The following GABRB3 variants were observed in gnomAD, a reference collection of about 807,000 sequenced individuals.
GABRB3 encodes the protein gamma-aminobutyric acid receptor subunit beta-3.
GABRB3 carries 14 observed loss-of-function variants against 52.1 expected under a neutral mutation model. That is an observed-to-expected ratio of 0.27 (90% confidence interval 0.18 to 0.42). GABRB3 has a LOEUF of 0.42. Ranked by LOEUF, GABRB3 falls within the 10% of genes least tolerant of loss-of-function variation. The pLI is 1.00. For synonymous variants in GABRB3, 260 were observed against 232.3 expected (o/e 1.12, Z -1.08); for missense variants, 307 against 609.1 (o/e 0.50, Z 5.22).
intron 3 of GABRB3, among the ~76,000 whole-genome samples, chr15:26,715,645 GA>G (rs1239289830): frequency 6.6e-6 from 1 of 152,196 alleles, no homozygotes; most frequent in Non-Finnish European, 1.5e-5. Flanking sequence ...TATGTTTTCA[GA>G]TAAAATTATA....
chr15:26,582,020 C>T (rs1890808858), intron 5 of GABRB3, among the ~76,000 whole-genome samples: 1 of 152,142 alleles, frequency 6.6e-6, no homozygotes, highest in Non-Finnish European at 1.5e-5. Context: ...GAAATAAAGA[C>T]ACCATTTTTC....
chr15:26,564,319 C>T, intron 7 of GABRB3, among the ~76,000 whole-genome samples: 1 of 152,192 alleles, frequency 6.6e-6, no homozygotes, highest in East Asian at 1.9e-4. Context: ...TACAACTTCC[C>T]ACTTTAAAGT....
intron 7 of GABRB3, among the ~76,000 whole-genome samples, chr15:26,564,129 A>G (rs1324490368): frequency 2.0e-5 from 3 of 152,064 alleles, no homozygotes; most frequent in Non-Finnish European, 4.4e-5. Flanking sequence ...CTCAAAGGAA[A>G]TGCTAATTGG....
chr15:26,720,723 C>G (rs6576596), intron 3 of GABRB3, among the ~76,000 whole-genome samples: 8,364 of 152,174 alleles, frequency 0.055, 784 homozygotes, highest in African/African-American at 0.19. Flanking sequence ...CGCAATCCCT[C>G]AGGATTTTCT....
At position 26,772,791 on chromosome 15, in the gene GABRB3, G is replaced by A. The variant is rs1479892896; in HGVS notation, c.81-19C>T. On this transcript the variant is annotated intron_variant, in intron 1 of 8. Transcript: ENST00000311550. ...GTTCACACTGGGGGAGGGACGGGGA[G>A]CACAAAGAGCGGGGTCAGGGGCGGC... 4.6e-6 allele frequency: 7 copies of A among 1,520,674 alleles called. No homozygotes were observed. The South Asian group carries it at 6.1e-5, about 13-fold the overall frequency. The allele number at this position is 1,520,674 out of a possible 1,614,324, so 94.2% of individuals were successfully genotyped here.
intron 3 of GABRB3, chr15:26,658,849 G>GA (rs1345348962): frequency 6.6e-6 from 1 of 152,184 alleles, no homozygotes; most frequent in East Asian, 1.9e-4. Flanking sequence ...GTTGCCAATT[G>GA]AAACGGAACC....
intron 3 of GABRB3, among the ~76,000 whole-genome samples, chr15:26,726,798 T>A (rs1889785022): frequency 1.3e-5 from 2 of 152,130 alleles, no homozygotes; most frequent in African/African-American, 4.8e-5. Context: ...CTGTTTTGCT[T>A]TTCCTTTCGC....
intron 3 of GABRB3, among the ~76,000 whole-genome samples, chr15:26,628,488 A>C (rs1046106958): frequency 6.6e-6 from 1 of 152,184 alleles, no homozygotes; most frequent in Non-Finnish European, 1.5e-5. Context: ...TCAGAAAAAG[A>C]AGCCACTTCT....
At chr15:26,737,324 G>C (rs1273351386) in intron 3 of GABRB3, among the ~76,000 whole-genome samples, 1 of 152,194 alleles carries the variant, frequency 6.6e-6, no homozygotes, top group South Asian at 2.1e-4. Context: ...CCACCAAAGT[G>C]ATTTGAAATC....
intron 6 of GABRB3, among the ~76,000 whole-genome samples, chr15:26,568,948 G>A (rs1890290949): frequency 6.6e-6 from 1 of 152,074 alleles, no homozygotes; most frequent in South Asian, 2.1e-4. Flanking sequence ...GCCAGCCAGT[G>A]AGAACCCAAT....
chr15:26,750,659 C>T (rs954009480), intron 3 of GABRB3, among the ~76,000 whole-genome samples: 1 of 152,004 alleles, frequency 6.6e-6, no homozygotes. Flanking sequence ...AAAGTTAATG[C>T]AAGAAGCTGC....
chr15:26,554,203 A>ATTTATTTATT lies in GABRB3; in HGVS notation c.1081-6070_1081-6069insAATAAATAAA, dbSNP rs1240533785. Among the ~76,000 whole-genome samples, 2 of 45,786 alleles carry ATTTATTTATT rather than the reference A, an allele frequency of 4.4e-5. 1 individual carries two copies. Among genetic ancestry groups the ATTTATTTATT allele is most frequent in the Non-Finnish European group, 1.2e-4 (2 of 16,812 alleles). The allele number at this position is 45,786 out of a possible 152,430, so 30.0% of individuals were successfully genotyped here. A position where few individuals can be genotyped will look rare whatever the true frequency, so the allele number is the denominator to read the frequency against. ...ATATATATATATACTATATATATATATATATAGTAGAAACAAGGTCTCTCT... is the reference window on the plus strand; with the variant it reads ...ATATATATATATACTATATATATATATTTATTTATTTATATAGTAGAAACAAGGTCTCTCT... On this transcript the variant is annotated intron_variant, in intron 8 of 8. Transcript: ENST00000311550.
intron 8 of GABRB3, among the ~76,000 whole-genome samples, chr15:26,550,758 C>T (rs959915135): frequency 1.3e-5 from 2 of 152,190 alleles, no homozygotes; most frequent in African/African-American, 2.4e-5. Context: ...TTAATTTCAG[C>T]CTCCTGACAC....
At chr15:26,550,275 A>C (rs1226358220) in intron 8 of GABRB3, among the ~76,000 whole-genome samples, 1 of 152,220 alleles carries the variant, frequency 6.6e-6, no homozygotes, top group African/African-American at 2.4e-5. Context: ...TGATAGGAGC[A>C]AAGATGGGCT....
intron 3 of GABRB3, among the ~76,000 whole-genome samples, chr15:26,700,018 G>C (rs1193841081): frequency 6.6e-6 from 1 of 151,400 alleles, no homozygotes; most frequent in African/African-American, 2.4e-5. Flanking sequence ...GTCAATAAGA[G>C]AGAAAACAAA....
In GABRB3 at chr15:26,600,920, T is replaced by C. The variant is rs79327478; in HGVS notation, c.462-17506A>G. Among the ~76,000 whole-genome samples the C allele has an allele frequency of 1.9e-3, 296 of 152,258 alleles. 6 individuals are homozygous for C. The East Asian group carries it at 0.036, about 19-fold the overall frequency. ...CTATTAACAACAACTATAGCTACCA[T>C]AAATTGTCAGGGAAAACACATCACG... is the stretch of plus-strand genomic sequence containing the variant. On this transcript the variant is annotated intron_variant, in intron 4 of 8. Coordinates refer to ENST00000311550, the MANE Select transcript of GABRB3 (RefSeq NM_000814.6).
chr15:26,554,192 T>TATATATATATATATATAAC (rs1889658263), intron 8 of GABRB3, among the ~76,000 whole-genome samples: 1 of 2,970 alleles, frequency 3.4e-4, no homozygotes, highest in East Asian at 1.2e-3. Flanking sequence ...ATATATATAC[T>TATATATATATATATATAAC]ATATATATAT....
At chr15:26,604,809 A>G (rs1891719967) in intron 4 of GABRB3, among the ~76,000 whole-genome samples, 2 of 152,132 alleles carry the variant, frequency 1.3e-5, no homozygotes, top group Admixed American at 1.3e-4. Context: ...ATACTATGAA[A>G]CTGCTAAAGG....
At chr15:26,640,492 G>C (rs1893172265) in intron 3 of GABRB3, among the ~76,000 whole-genome samples, 1 of 152,118 alleles carries the variant, frequency 6.6e-6, no homozygotes, top group Admixed American at 6.5e-5. Context: ...ACTCCAGCCT[G>C]GGCGACAGAG....
Sources: gnomAD v4.1 joint callset for allele counts (sites outside exome capture counted in the v4.1 genomes callset) on GRCh38, gnomAD v4.1.1 for gene constraint, MANE v1.5 for transcripts, NCBI Gene and HGNC (gene_info 2026-07-23, HGNC 2026-07-21) for gene names.